Variants in PCDHA13 observed in about 807,000 individuals in gnomAD.
PCDHA13 encodes the protein protocadherin alpha 13.
PCDHA13 carries 54 observed loss-of-function variants against 64.8 expected under a neutral mutation model. The ratio of observed to expected loss-of-function variants is 0.83; its 90% CI spans 0.67 to 1.04. PCDHA13 has a LOEUF of 1.04. Among genes scored for constraint, PCDHA13 ranks in the 50% least tolerant of loss-of-function variants. PCDHA13 has a pLI of 0.00. For synonymous variants in PCDHA13, 587 were observed against 564.4 expected, an observed-to-expected ratio of 1.04 and a Z score of -0.57; for missense variants, 1,248 against 1,254.3, an observed-to-expected ratio of 0.99 and a Z score of 0.08.
chr5:140,966,900 G>T, intron 1 of PCDHA13: 1 of 1,598,802 alleles, frequency 6.3e-7, no homozygotes, highest in Non-Finnish European at 8.5e-7. Context: ...TCCCAGCTGC[G>T]ATACTCTGTG....
At chr5:140,903,625 A>T (rs2153481028) in intron 1 of PCDHA13, among the ~76,000 whole-genome samples, 1 of 152,362 alleles carries the variant, frequency 6.6e-6, no homozygotes, top group East Asian at 1.9e-4. Context: ...GTGCATGCAT[A>T]TGTATGCATA....
chr5:140,942,669 A>G (rs2093352340), intron 1 of PCDHA13, among the ~76,000 whole-genome samples: 1 of 152,212 alleles, frequency 6.6e-6, no homozygotes, highest in South Asian at 2.1e-4. Flanking sequence ...AATAAGCACA[A>G]AAGTTTTAGG....
intron 1 of PCDHA13, among the ~76,000 whole-genome samples, chr5:140,925,244 G>A (rs1403438242): frequency 1.3e-5 from 2 of 152,070 alleles, no homozygotes; most frequent in African/African-American, 4.8e-5. Context: ...AATATGTCCT[G>A]GAAACTTTAA....
chr5:141,000,192 T>C lies in PCDHA13; in HGVS notation c.2543-9435T>C, dbSNP rs112948047. 6.4e-3 allele frequency among the ~76,000 whole-genome samples: 968 copies of C among 151,888 alleles called. 13 individuals carry two copies. Among genetic ancestry groups the C allele is most frequent in the African/African-American group, 0.023 (941 of 41,384 alleles). ...TTGAGCCAAGGAGTCAATGTGAGAA[T>C]AGTTTTTCACCTTCATTATCAAATG... On this transcript the variant is annotated intron_variant, in intron 3 of 3. Coordinates refer to ENST00000289272, the MANE Select transcript of PCDHA13 (RefSeq NM_018904.3).
At chr5:140,932,688 TA>T (rs1214634464) in intron 1 of PCDHA13, among the ~76,000 whole-genome samples, 4 of 151,810 alleles carry the variant, frequency 2.6e-5, no homozygotes, top group African/African-American at 9.7e-5. Flanking sequence ...ATATTCAAAT[TA>T]AAAAACTCAT....
chr5:140,972,947 C>T (rs1287629621), intron 1 of PCDHA13, among the ~76,000 whole-genome samples: 1 of 152,096 alleles, frequency 6.6e-6, no homozygotes, highest in African/African-American at 2.4e-5. Context: ...CAGATGTGAG[C>T]CACCATGCCC....
At chr5:141,008,684 G>C (rs1426948038) in intron 3 of PCDHA13, among the ~76,000 whole-genome samples, 1 of 152,118 alleles carries the variant, frequency 6.6e-6, no homozygotes, top group Admixed American at 6.5e-5. Context: ...TTTAGTTATT[G>C]CATGTATTAA....
At chr5:140,947,896 G>A (rs1355775996) in intron 1 of PCDHA13, among the ~76,000 whole-genome samples, 5 of 151,478 alleles carry the variant, frequency 3.3e-5, no homozygotes, top group Non-Finnish European at 7.4e-5. Context: ...AACAGAAGTG[G>A]TGAGAGCAGA....
In PCDHA13 at chr5:140,883,404, C is replaced by A; in HGVS notation, c.1136C>A (p.Ser379Tyr). ...CTAATCAGTGTGTCCGATCGTGACT[C>A]TGGCTCAAATGGACAGGTCACCTGC... is the stretch of plus-strand genomic sequence containing the variant. ...IALISVSDRDSGSNGQVTCTL... is the reference protein window; with the variant it reads ...IALISVSDRDYGSNGQVTCTL... The change falls in exon 1 of 4, where the codon TCT (serine) becomes TAT (tyrosine). Residue 379 changes from serine to tyrosine, a missense_variant. Coordinates refer to ENST00000289272, the MANE Select transcript of PCDHA13 (RefSeq NM_018904.3). 1 of 1,614,222 alleles carries A rather than the reference C, an allele frequency of 6.2e-7. No homozygotes were observed. Among genetic ancestry groups the A allele is most frequent in the Non-Finnish European group, 8.5e-7 (1 of 1,180,048 alleles).
At chr5:141,003,052 A>G (rs782531629) in intron 3 of PCDHA13, among the ~76,000 whole-genome samples, 17 of 152,230 alleles carry the variant, frequency 1.1e-4, no homozygotes, top group Non-Finnish European at 1.9e-4. Context: ...CCTTAACAGA[A>G]CAGTTCCAAA....
intron 3 of PCDHA13, among the ~76,000 whole-genome samples, chr5:140,996,253 A>C (rs2153938437): frequency 6.6e-6 from 1 of 152,370 alleles, no homozygotes; most frequent in African/African-American, 2.4e-5. Flanking sequence ...AAGTGACAGC[A>C]ACACAGAGCC....
chr5:140,941,316 T>C (rs1479003076), intron 1 of PCDHA13, among the ~76,000 whole-genome samples: 1 of 135,480 alleles, frequency 7.4e-6, no homozygotes, highest in African/African-American at 2.7e-5. Flanking sequence ...TTTTCTTCTT[T>C]CTCTTTTTTT....
chr5:140,904,939 T>G (rs1418494936), intron 1 of PCDHA13, among the ~76,000 whole-genome samples: 3 of 152,254 alleles, frequency 2.0e-5, no homozygotes, highest in Admixed American at 2.0e-4. Flanking sequence ...TTCTGGATAT[T>G]AGTCCTTTGT....
At chr5:140,929,400 A>G (rs915139377) in intron 1 of PCDHA13, 5 of 1,509,110 alleles carry the variant, frequency 3.3e-6, no homozygotes, top group African/African-American at 2.8e-5. Flanking sequence ...TATTTCTTAG[A>G]CAAGCCTTTC....
intron 3 of PCDHA13, among the ~76,000 whole-genome samples, chr5:140,995,391 G>A (rs2097681152): frequency 1.3e-5 from 2 of 152,170 alleles, no homozygotes; most frequent in African/African-American, 2.4e-5. Context: ...AGGATAAAGC[G>A]GGATGGCTCG....
At chr5:140,940,245 T>A (rs1262681154) in intron 1 of PCDHA13, among the ~76,000 whole-genome samples, 1 of 152,210 alleles carries the variant, frequency 6.6e-6, no homozygotes, top group Non-Finnish European at 1.5e-5. Flanking sequence ...TAAAGTTACC[T>A]CCTCAATATC....
rs553859456 is a variant in PCDHA13 at position 140,938,056 on chromosome 5, A to G, written c.2395-40893A>G. Among the ~76,000 whole-genome samples, 1,107 of 152,294 alleles carry G rather than the reference A, an allele frequency of 7.3e-3. 4 individuals carry two copies. Among genetic ancestry groups the G allele is most frequent in the Admixed American group, 0.012 (189 of 15,304 alleles). ...TTTATATTTTGGGTTTTCTACATATACTGTCATGCTATTCCCAAATAATGT... is the reference window on the plus strand; with the variant it reads ...TTTATATTTTGGGTTTTCTACATATGCTGTCATGCTATTCCCAAATAATGT... On this transcript the variant is annotated intron_variant, in intron 1 of 3. Coordinates refer to ENST00000289272, the MANE Select transcript of PCDHA13 (RefSeq NM_018904.3).
rs1486746921 is a variant in PCDHA13 at position 141,009,728 on chromosome 5, G to A, written c.2644G>A (p.Gly882Ser). Residue 882 changes from glycine (G) to serine (S), a missense_variant, in exon 4 of 4, where the codon GGT becomes AGT. Gly to Ser is a moderately conservative substitution (Grantham distance 56). Coordinates refer to ENST00000289272, the MANE Select transcript of PCDHA13 (RefSeq NM_018904.3). The part of the protein sequence containing the change: ...GPGNPKQSGP[G>S]ELPDKFIIPG... ...AGGCAACCCCAAACAATCCGGTCCC[G>A]GTGAGTTGCCCGACAAATTCATTAT... The A allele has an allele frequency of 3.1e-6, 5 of 1,613,998 alleles. No homozygotes were observed. The highest frequency in any genetic ancestry group is 2.2e-5 in the East Asian group (1 of 44,874).
intron 1 of PCDHA13, among the ~76,000 whole-genome samples, chr5:140,946,691 G>C (rs782114019): frequency 6.8e-6 from 1 of 147,578 alleles, no homozygotes; most frequent in Non-Finnish European, 1.5e-5. Flanking sequence ...TGACAATATG[G>C]ATGAATCTGG....
Sources: gnomAD v4.1 joint callset for allele counts (sites outside exome capture counted in the v4.1 genomes callset) on GRCh38, gnomAD v4.1.1 for gene constraint, MANE v1.5 for transcripts, NCBI Gene and HGNC (gene_info 2026-07-23, HGNC 2026-07-21) for gene names.